The following PAK5 variants were observed in gnomAD, a reference collection of about 807,000 sequenced individuals.
PAK5 encodes p21 (RAC1) activated kinase 5.
In PAK5, 16 loss-of-function variants were observed where a neutral mutation model predicts 65.9. The observed-to-expected ratio is 0.24, with a 90% CI of 0.16 to 0.37. The LOEUF (loss-of-function observed/expected upper bound fraction) is 0.37, where lower values mean the gene tolerates loss of function less well. PAK5 is among the 10% of genes least tolerant of loss of function. The probability of loss-of-function intolerance (pLI) is 1.00; values close to 1 mark genes in which losing one functional copy is unlikely to be tolerated. For missense variants in PAK5, 785 were observed against 903.9 expected (o/e 0.87, Z 1.69); for synonymous variants, 371 against 354.9 (o/e 1.05, Z -0.51).
chr20:9,729,754 A>C (rs1028400245), intron 1 of PAK5, among the ~76,000 whole-genome samples: 1 of 150,852 alleles, frequency 6.6e-6, no homozygotes, highest in African/African-American at 2.4e-5. Flanking sequence ...AAGATAGAAG[A>C]AACCTGTGGT....
intron 2 of PAK5, among the ~76,000 whole-genome samples, chr20:9,691,377 G>T (rs540323557): frequency 6.6e-6 from 1 of 152,044 alleles, no homozygotes; most frequent in African/African-American, 2.4e-5. Flanking sequence ...GTTGTTATTA[G>T]AATTAAAGGT....
chr20:9,657,431 T>C (rs2047283280), intron 2 of PAK5, among the ~76,000 whole-genome samples: 1 of 152,220 alleles, frequency 6.6e-6, no homozygotes, highest in Admixed American at 6.5e-5. Context: ...AGTTTTTGGC[T>C]ATTACACATA....
At chr20:9,629,476 C>CCT (rs1347663039) in intron 3 of PAK5, among the ~76,000 whole-genome samples, 11 of 131,144 alleles carry the variant, frequency 8.4e-5, no homozygotes, top group East Asian at 3.5e-4. Context: ...TCTTCCTCCT[C>CCT]CTTTTTTTTT....
chr20:9,770,386 G>A (rs1600352409), intron 1 of PAK5, among the ~76,000 whole-genome samples: 1 of 151,866 alleles, frequency 6.6e-6, no homozygotes, highest in East Asian at 1.9e-4. Context: ...GAGAAGATAA[G>A]GTATAAAATG....
chr20:9,674,034 T>C (rs991365465), intron 2 of PAK5, among the ~76,000 whole-genome samples: 1 of 152,156 alleles, frequency 6.6e-6, no homozygotes, highest in Non-Finnish European at 1.5e-5. Flanking sequence ...ATGTAATACA[T>C]TTTGATATGT....
At chr20:9,605,496 G>C (rs1056834212) in intron 3 of PAK5, among the ~76,000 whole-genome samples, 2 of 152,142 alleles carry the variant, frequency 1.3e-5, no homozygotes, top group South Asian at 4.1e-4. Flanking sequence ...GTAAATATCA[G>C]ATTCCTTCCC....
At chr20:9,607,212 C>A (rs538846648) in intron 3 of PAK5, among the ~76,000 whole-genome samples, 1 of 152,206 alleles carries the variant, frequency 6.6e-6, no homozygotes, top group African/African-American at 2.4e-5. Context: ...ATGGTGCAGC[C>A]CACTATGGCT....
intron 1 of PAK5, among the ~76,000 whole-genome samples, chr20:9,769,927 C>T (rs539254884): frequency 1.8e-4 from 28 of 152,134 alleles, no homozygotes; most frequent in Non-Finnish European, 3.4e-4. Context: ...GAATATAGAA[C>T]TAGGAGAATG....
chr20:9,811,109 T>G (rs2049292837), intron 1 of PAK5, among the ~76,000 whole-genome samples: 1 of 152,218 alleles, frequency 6.6e-6, no homozygotes, highest in Non-Finnish European at 1.5e-5. Flanking sequence ...GAATATCTAT[T>G]TAATGACTAT....
intron 1 of PAK5, among the ~76,000 whole-genome samples, chr20:9,802,286 A>G (rs2049178236): frequency 6.6e-6 from 1 of 152,098 alleles, no homozygotes; most frequent in Non-Finnish European, 1.5e-5. Context: ...GCTAGGTTGT[A>G]CTCACGAGAC....
intron 2 of PAK5, among the ~76,000 whole-genome samples, chr20:9,681,238 C>A (rs1040784798): frequency 1.5e-4 from 23 of 151,884 alleles, no homozygotes; most frequent in Non-Finnish European, 2.9e-4. Flanking sequence ...TGCATGGTCT[C>A]TTTTATTAGT....
intron 3 of PAK5, among the ~76,000 whole-genome samples, chr20:9,617,052 C>T (rs759661939): frequency 6.6e-6 from 1 of 152,178 alleles, no homozygotes; most frequent in South Asian, 2.1e-4. Context: ...AATGCCAAGT[C>T]ATAAATCAAA....
intron 1 of PAK5, among the ~76,000 whole-genome samples, chr20:9,738,383 A>T (rs2048414729): frequency 6.6e-6 from 1 of 152,210 alleles, no homozygotes; most frequent in Admixed American, 6.5e-5. Flanking sequence ...TAATAACCTT[A>T]TTTGTAATAG....
chr20:9,628,708 C>T (rs901170685), intron 3 of PAK5, among the ~76,000 whole-genome samples: 4 of 152,092 alleles, frequency 2.6e-5, no homozygotes, highest in South Asian at 2.1e-4. Context: ...CAGTTGCCAC[C>T]GGTGCTGTGC....
chr20:9,647,631 C>T (rs922483464), intron 2 of PAK5, among the ~76,000 whole-genome samples: 11 of 152,252 alleles, frequency 7.2e-5, no homozygotes, highest in Non-Finnish European at 8.8e-5. Flanking sequence ...AAGAGAGTTG[C>T]GGAGAGGAAA....
At chr20:9,795,691 A>G (rs1009237861) in intron 1 of PAK5, among the ~76,000 whole-genome samples, 6 of 152,166 alleles carry the variant, frequency 3.9e-5, no homozygotes, top group African/African-American at 1.4e-4. Flanking sequence ...AAAGGAATAC[A>G]TGGAACTTAT....
intron 2 of PAK5, among the ~76,000 whole-genome samples, chr20:9,704,019 C>A (rs2423424): frequency 7.2e-5 from 11 of 152,146 alleles, no homozygotes; most frequent in Non-Finnish European, 1.6e-4. Flanking sequence ...AGGATGACGC[C>A]TGTCTTCCAG....
chr20:9,836,991 G>C (rs1979201307), intron 1 of PAK5, among the ~76,000 whole-genome samples: 1 of 152,196 alleles, frequency 6.6e-6, no homozygotes. Flanking sequence ...AGCAGGTCCT[G>C]ACAGAGTGGA....
intron 6 of PAK5, among the ~76,000 whole-genome samples, chr20:9,559,030 C>T (rs933754252): frequency 1.3e-5 from 2 of 152,172 alleles, no homozygotes; most frequent in Non-Finnish European, 2.9e-5. Context: ...CCACACTGCC[C>T]TCACCACTTG....
Sources: gnomAD v4.1 joint callset for allele counts (sites outside exome capture counted in the v4.1 genomes callset) on GRCh38, gnomAD v4.1.1 for gene constraint, MANE v1.5 for transcripts, NCBI Gene and HGNC (gene_info 2026-07-23, HGNC 2026-07-21) for gene names.